MRC2: variants seen among roughly 807,000 people sequenced by gnomAD.
The protein encoded by MRC2 is C-type mannose receptor 2.
MRC2 carries 84 observed loss-of-function variants against 206.2 expected under a neutral mutation model. The ratio of observed to expected loss-of-function variants is 0.41; its 90% confidence interval spans 0.34 to 0.49. The LOEUF (loss-of-function observed/expected upper bound fraction) is 0.49. Ranked by LOEUF, MRC2 falls within the 20% of genes least tolerant of loss-of-function variation. The pLI, the probability that MRC2 is intolerant of heterozygous loss-of-function variation, is 0.31. For missense variants in MRC2, 1,676 were observed against 2,001.5 expected, an observed-to-expected ratio of 0.84 and a Z score of 3.10; for synonymous variants, 798 against 800.0, an observed-to-expected ratio of 1.00 and a Z score of 0.04.
rs542838710 is a variant in MRC2 at position 62,688,638 on chromosome 17, A to C, written c.3199A>C (p.Ser1067Arg). ...NWAPGEPSGP[S>R]PAPSGNKPTS... ...GGCACCTGGGGAGCCCTCTGGCCCT[A>C]GCCCTGCTCCCAGTGGCAACAAACC... The change falls in exon 22 of 30, where the codon AGC becomes CGC. Residue 1067 changes from serine to arginine, a missense_variant. Transcript: ENST00000303375. 1 of 1,614,034 alleles carries C rather than the reference A, an allele frequency of 6.2e-7. No individual in the cohort carries two copies. Among genetic ancestry groups the C allele is most frequent in the African/African-American group, 1.3e-5 (1 of 75,070 alleles).
At position 62,690,800 on chromosome 17, in the gene MRC2, AGGCTGTAAGG is replaced by A. The variant is rs2089099524; in HGVS notation, c.4012+45_4012+54del. The A allele has an allele frequency of 1.9e-6, 3 of 1,553,834 alleles. No individual in the cohort carries two copies. The African/African-American group carries it at 4.1e-5, about 21-fold the overall frequency. ...GTGTGGGGTGGAGAGGTCAAGCCTC[AGGCTGTAAGG>A]GGCTGCCCTCCACTTTGCCCTGAGC... is the stretch of plus-strand genomic sequence containing the variant. On this transcript the variant is annotated intron_variant, in intron 27 of 29. Coordinates refer to ENST00000303375, the MANE Select transcript of MRC2 (RefSeq NM_006039.5).
rs142227716 is a variant in MRC2 at position 62,689,566 on chromosome 17, G to A, written c.3379G>A (p.Gly1127Ser). 1.2e-4 allele frequency: 186 copies of A among 1,599,460 alleles called. 1 individual carries two copies. Among genetic ancestry groups the A allele is most frequent in the Non-Finnish European group, 1.5e-4 (171 of 1,172,932 alleles). The change falls in exon 24 of 30, where the codon GGC (glycine) becomes AGC (serine). Residue 1127 changes from glycine (G) to serine (S), a missense_variant. Transcript: ENST00000303375. ...PSPAALPPAP[G>S]TELSYLNGTF... ...CCCAGCAGCGCTGCCCCCCGCCCCG[G>A]GCACTGAGCTCTCCTACCTCAACGG...
In MRC2 at chr17:62,676,454, A is replaced by G; in HGVS notation, c.1757A>G (p.Asp586Gly). 1 of 1,613,800 alleles carries G rather than the reference A, an allele frequency of 6.2e-7. No individual in the cohort carries two copies. The highest frequency in any genetic ancestry group is 8.5e-7 in the Non-Finnish European group (1 of 1,179,866). ...GAGTACTTCTGGACGGCCCTGCAGGACCTCAACAGCACCGGCTCCTTCTTC... is the reference window on the plus strand; with the variant it reads ...GAGTACTTCTGGACGGCCCTGCAGGGCCTCAACAGCACCGGCTCCTTCTTC... ...EGEYFWTALQ[D>G]LNSTGSFFWL... Residue 586 changes from aspartate to glycine, a missense_variant, in exon 11 of 30, where the codon GAC (aspartate) becomes GGC (glycine). This residue lies in a region of MRC2 where 1,354 missense variants were observed against 1,636.6 expected (regional missense o/e 0.83). Coordinates refer to ENST00000303375, the MANE Select transcript of MRC2 (RefSeq NM_006039.5).
intron 1 of MRC2, among the ~76,000 whole-genome samples, chr17:62,659,273 C>T (rs1165757809): frequency 2.0e-5 from 3 of 152,186 alleles, no homozygotes; most frequent in Non-Finnish European, 4.4e-5. Context: ...GGCGTGGTGG[C>T]TCACTCTTGT....
chr17:62,655,456 G>A (rs2088606441), intron 1 of MRC2, among the ~76,000 whole-genome samples: 1 of 152,044 alleles, frequency 6.6e-6, no homozygotes, highest in Non-Finnish European at 1.5e-5. Flanking sequence ...GCAGGAGAAT[G>A]GTGTGAACCC....
chr17:62,667,352 C>T lies in MRC2; in HGVS notation c.974-38C>T, dbSNP rs1396388861. ...GCCCCGGGAGCCACGGTGTGAGCTT[C>T]TCTCTCCGGGGGTGCTGGCGCCCTG... is the stretch of plus-strand genomic sequence containing the variant. On this transcript the variant is annotated intron_variant, in intron 5 of 29. Transcript: ENST00000303375. The surrounding 1 kb of genome is among the most constrained non-coding windows in gnomAD (Gnocchi z 4.1). 8 of 1,552,742 alleles carry T rather than the reference C, an allele frequency of 5.2e-6. No individual in the cohort carries two copies. The highest frequency in any genetic ancestry group is 1.7e-4 in the Middle Eastern group (1 of 5,806).
chr17:62,689,467 G>A (rs2089074833), intron 23 of MRC2, 55 bp from the exon 24 acceptor site: 1 of 1,234,296 alleles, frequency 8.1e-7, no homozygotes, highest in Non-Finnish European at 1.1e-6. Context: ...CCTTGTGCCT[G>A]GGAACGGGGT....
chr17:62,634,892 A>G (rs1047773171), intron 1 of MRC2, among the ~76,000 whole-genome samples: 3 of 149,304 alleles, frequency 2.0e-5, no homozygotes, highest in African/African-American at 5.0e-5. Context: ...GTGCAGTGGC[A>G]CAATCTTGGC....
chr17:62,638,276 A>T (rs2088351989), intron 1 of MRC2, among the ~76,000 whole-genome samples: 2 of 152,180 alleles, frequency 1.3e-5, no homozygotes, highest in South Asian at 4.1e-4. Context: ...AGAATTTTAC[A>T]TGATGCCACG....
Position 62,688,438 on chromosome 17 carries a change from C to A in MRC2, c.3061+35C>A, listed in dbSNP as rs959837189. On this transcript the variant is annotated intron_variant, in intron 21 of 29. Transcript: ENST00000303375. ...GCCTATGGGGAGCCCCCAGTATCCTCTGACACTGTCCCCCCAAATAGCTAT... is the reference window on the plus strand; with the variant it reads ...GCCTATGGGGAGCCCCCAGTATCCTATGACACTGTCCCCCCAAATAGCTAT... The A allele has an allele frequency of 2.3e-5, 37 of 1,613,854 alleles. 1 individual carries two copies. Among genetic ancestry groups the A allele is most frequent in the Non-Finnish European group, 3.0e-5 (35 of 1,179,824 alleles).
At chr17:62,632,520 G>A (rs1052137061) in intron 1 of MRC2, among the ~76,000 whole-genome samples, 10 of 152,060 alleles carry the variant, frequency 6.6e-5, no homozygotes, top group Non-Finnish European at 1.3e-4. Flanking sequence ...TAGTTTCCCC[G>A]GCCCCCCATG....
At position 62,664,838 on chromosome 17, in the gene MRC2, C is replaced by T. The variant is rs751226940; in HGVS notation, c.409C>T (p.Arg137Cys). The T allele has an allele frequency of 2.5e-5, 41 of 1,613,648 alleles. No homozygotes were observed. The highest frequency in any genetic ancestry group is 5.5e-5 in the South Asian group (5 of 91,084). Residue 137 changes from arginine (R) to cysteine (C), a missense_variant, in exon 2 of 30, where the codon CGC (arginine) becomes TGC (cysteine). Arg to Cys is a radical substitution (Grantham distance 180). This residue lies in a region of MRC2 where 318 missense variants were observed against 346.7 expected (regional missense o/e 0.92). Transcript: ENST00000303375. The surrounding 1 kb of genome is among the most constrained non-coding windows in gnomAD (Gnocchi z 4.7). ...CCAGCTGTCCTTGCTCCTGGGGGCCCGCACCAGCAACATATCCAAGCCTGG... is the reference window on the plus strand; with the variant it reads ...CCAGCTGTCCTTGCTCCTGGGGGCCTGCACCAGCAACATATCCAAGCCTGG... ...GDQLSLLLGA[R>C]TSNISKPGTL...
At chr17:62,628,856 C>T (rs1223034588) in intron 1 of MRC2, among the ~76,000 whole-genome samples, 1 of 152,030 alleles carries the variant, frequency 6.6e-6, no homozygotes, top group Non-Finnish European at 1.5e-5. Context: ...GGGAATCGCC[C>T]GGCCCAGCTT....
At chr17:62,634,488 A>T (rs1299949847) in intron 1 of MRC2, among the ~76,000 whole-genome samples, 1 of 152,126 alleles carries the variant, frequency 6.6e-6, no homozygotes, top group Non-Finnish European at 1.5e-5. Flanking sequence ...TTTAGTAGAG[A>T]TGGGATTTTA....
chr17:62,649,083 C>CAGGGCCCA (rs1279695894), intron 1 of MRC2, among the ~76,000 whole-genome samples: 1 of 152,234 alleles, frequency 6.6e-6, no homozygotes. Context: ...CAGCCAATCC[C>CAGGGCCCA]AGGGCCCAAG....
Position 62,678,129 on chromosome 17 carries a change from G to T in MRC2, c.2053-375G>T, listed in dbSNP as rs1021569425. Among the ~76,000 whole-genome samples, 6 of 152,348 alleles carry T rather than the reference G, an allele frequency of 3.9e-5. No homozygotes were observed. In the South Asian group the frequency reaches 1.2e-3, roughly 32 times the overall value. On this transcript the variant is annotated intron_variant, in intron 12 of 29. Transcript: ENST00000303375. Reference sequence around the variant, plus strand: ...TTTAGATTCATTAGGTCTGGATTGGGCCTGGTAATCTGTATTTTTAATCAC... The same window carrying T: ...TTTAGATTCATTAGGTCTGGATTGGTCCTGGTAATCTGTATTTTTAATCAC...
rs1466706329 is a variant in MRC2, at chr17:62,689,908, C to T, written c.3588C>T (p.Tyr1196=). ...GLAGEEGSRR[Y]SWVSEEPLNY... Reference sequence around the variant, plus strand: ...CCCATGCCCAGGGCTCTCGGCGGTACTCCTGGGTCTCAGAGGAGCCGCTGA... The same window carrying T: ...CCCATGCCCAGGGCTCTCGGCGGTATTCCTGGGTCTCAGAGGAGCCGCTGA... The change falls in exon 25 of 30, where the codon TAC becomes TAT. Residue 1196 remains tyrosine, a synonymous_variant. Coordinates refer to ENST00000303375, the MANE Select transcript of MRC2 (RefSeq NM_006039.5). 6.3e-7 allele frequency: 1 copy of T among 1,599,142 alleles called. No individual in the cohort carries two copies.
In MRC2 at chr17:62,664,416, G is replaced by C; in HGVS notation, c.119-132G>C. The C allele has an allele frequency of 9.7e-7, 1 of 1,034,100 alleles. No homozygotes were observed. 64.1% of individuals were successfully genotyped at this position (1,034,100 alleles called of 1,614,324 possible). On this transcript the variant is annotated intron_variant, in intron 1 of 29. Transcript: ENST00000303375. This position sits in a 1 kb window ranked among gnomAD's most constrained non-coding sequence, Gnocchi z 4.7. ...TCAGAGGGTTGGTAGTGAGTACCGA[G>C]TGATTTAACGTATGAGTGACGGCTC...
chr17:62,643,327 C>CA (rs59698063), intron 1 of MRC2, among the ~76,000 whole-genome samples: 1,232 of 44,032 alleles, frequency 0.028, 16 homozygotes, highest in South Asian at 0.04. Context: ...GAAACTCCGT[C>CA]AAAAAAAAAA....
Sources: gnomAD v4.1 joint callset for allele counts (sites outside exome capture counted in the v4.1 genomes callset) on GRCh38, gnomAD v4.1.1 for gene constraint, gnomAD v4.1.1 regional missense constraint, Gnocchi (gnomAD v3.1) non-coding constraint, MANE v1.5 for transcripts, NCBI Gene and HGNC (gene_info 2026-07-23, HGNC 2026-07-21) for gene names.